CDH4: variants seen among roughly 807,000 people sequenced by gnomAD.
The protein encoded by CDH4 is cadherin-4.
A neutral mutation model predicts 86.0 loss-of-function variants in CDH4; 33 were observed. The observed-to-expected ratio is 0.38, with a 90% CI of 0.29 to 0.51. CDH4 has a LOEUF of 0.51. CDH4 is among the 20% of genes least tolerant of loss of function. CDH4 has a pLI of 0.86. For synonymous variants in CDH4, 555 were observed against 549.4 expected (o/e 1.01, Z -0.14); for missense variants, 1,114 against 1,307.4 (o/e 0.85, Z 2.28).
intron 2 of CDH4, among the ~76,000 whole-genome samples, chr20:61,737,101 T>C (rs910322243): frequency 3.3e-5 from 5 of 152,094 alleles, no homozygotes. Context: ...TCGTGTTGCT[T>C]GGATGGCTTT....
chr20:61,541,029 C>T (rs1024125685), intron 2 of CDH4, among the ~76,000 whole-genome samples: 5 of 152,192 alleles, frequency 3.3e-5, no homozygotes, highest in Non-Finnish European at 7.3e-5. Flanking sequence ...AAAAATTTGA[C>T]GATTCCCCAT....
chr20:61,707,935 C>T (rs575054416), intron 2 of CDH4, among the ~76,000 whole-genome samples: 4 of 152,138 alleles, frequency 2.6e-5, no homozygotes, highest in Admixed American at 6.5e-5. Context: ...GTTATGCCTG[C>T]GGATGACAGG....
At chr20:61,277,267 T>G (rs1476736028) in intron 2 of CDH4, among the ~76,000 whole-genome samples, 1 of 152,250 alleles carries the variant, frequency 6.6e-6, no homozygotes, top group Non-Finnish European at 1.5e-5. Context: ...TAAGATGAAT[T>G]ATTTCCACCT....
chr20:61,376,054 GTGA>G (rs2084870531), intron 2 of CDH4, among the ~76,000 whole-genome samples: 2 of 97,968 alleles, frequency 2.0e-5, no homozygotes, highest in African/African-American at 7.8e-5. Flanking sequence ...GGTCTTGGTG[GTGA>G]TGGTGTGGTT....
At chr20:61,698,486 C>A (rs932564178) in intron 2 of CDH4, among the ~76,000 whole-genome samples, 4 of 152,252 alleles carry the variant, frequency 2.6e-5, no homozygotes, top group African/African-American at 9.6e-5. Flanking sequence ...ATTCCCGGGG[C>A]TGGTGACTGC....
intron 2 of CDH4, among the ~76,000 whole-genome samples, chr20:61,290,534 G>A (rs1000755170): frequency 5.3e-5 from 8 of 151,890 alleles, no homozygotes; most frequent in African/African-American, 1.9e-4. Flanking sequence ...TAGCACCACA[G>A]ATGCCAGTCA....
intron 6 of CDH4, among the ~76,000 whole-genome samples, chr20:61,858,534 CGTCTGTGTGTGTGTCTGT>C (rs1318067411): frequency 1.4e-5 from 2 of 145,730 alleles, no homozygotes; most frequent in Non-Finnish European, 3.0e-5. Context: ...TGTGTGTCTG[CGTCTGTGTGTGTGTCTGT>C]GTCTGCATGT....
chr20:61,552,717 GA>G (rs1264741008), intron 2 of CDH4, among the ~76,000 whole-genome samples: 2 of 151,660 alleles, frequency 1.3e-5, no homozygotes, highest in Non-Finnish European at 2.9e-5. Flanking sequence ...AAAAATGAAA[GA>G]AAAAAACAAA....
intron 2 of CDH4, among the ~76,000 whole-genome samples, chr20:61,652,083 G>A (rs1454236570): frequency 6.6e-6 from 1 of 152,244 alleles, no homozygotes; most frequent in Non-Finnish European, 1.5e-5. Context: ...TCCCAGGGAG[G>A]AGGAAGAGTG....
chr20:61,264,056 C>T (rs765679755), intron 2 of CDH4, among the ~76,000 whole-genome samples: 1 of 152,166 alleles, frequency 6.6e-6, no homozygotes, highest in Non-Finnish European at 1.5e-5. Flanking sequence ...TCTGCCAAGT[C>T]CCCACTACCA....
At chr20:61,546,005 G>C (rs775045971) in intron 2 of CDH4, among the ~76,000 whole-genome samples, 309 of 25,168 alleles carry the variant, frequency 0.012, no homozygotes, top group Middle Eastern at 0.028. Flanking sequence ...TGCATGTGTG[G>C]AGGGGGTATG....
At chr20:61,802,932 C>T (rs4925290) in intron 4 of CDH4, among the ~76,000 whole-genome samples, 55,081 of 152,098 alleles carry the variant, frequency 0.36, 10,073 homozygotes, top group East Asian at 0.42. Flanking sequence ...GGGGCTTCTC[C>T]GAATTCTGTT....
chr20:61,629,414 C>A (rs1297305388), intron 2 of CDH4, among the ~76,000 whole-genome samples: 4 of 152,090 alleles, frequency 2.6e-5, no homozygotes, highest in Non-Finnish European at 4.4e-5. Context: ...TAATTAAGAG[C>A]TTGGACTCCA....
rs1183624942 is a variant in CDH4 at position 61,392,234 on chromosome 20, T to A, written c.169+137297T>A. On this transcript the variant is annotated intron_variant, in intron 2 of 15. Coordinates refer to ENST00000614565, the MANE Select transcript of CDH4 (RefSeq NM_001794.5). The surrounding 1 kb of genome is among the most constrained non-coding windows in gnomAD (Gnocchi z 5.7). ...GTGGCCTTAACACGGGACCCGGACA[T>A]GCTGCCTCTGGGCTGGGGAGGGACA... Among the ~76,000 whole-genome samples the A allele has an allele frequency of 6.6e-6, 1 of 151,492 alleles. No individual in the cohort carries two copies. Among genetic ancestry groups the A allele is most frequent in the Non-Finnish European group, 1.5e-5 (1 of 67,916 alleles).
At chr20:61,862,350 T>A (rs1983367864) in intron 6 of CDH4, among the ~76,000 whole-genome samples, 1 of 152,152 alleles carries the variant, frequency 6.6e-6, no homozygotes, top group Admixed American at 6.5e-5. Flanking sequence ...TGATGACACC[T>A]CAGACGTGTC....
chr20:61,807,119 C>T lies in CDH4; in HGVS notation c.576+33937C>T, dbSNP rs1206303968. Among the ~76,000 whole-genome samples, 1 of 152,238 alleles carries T rather than the reference C, an allele frequency of 6.6e-6. No homozygotes were observed. The highest frequency in any genetic ancestry group is 2.4e-5 in the African/African-American group (1 of 41,468). On this transcript the variant is annotated intron_variant, in intron 4 of 15. Coordinates refer to ENST00000614565, the MANE Select transcript of CDH4 (RefSeq NM_001794.5). The surrounding 1 kb of genome is among the most constrained non-coding windows in gnomAD (Gnocchi z 4.5). The stretch of plus-strand genomic sequence containing the variant: ...ATGAGCTCCCAGGGCCCCGCAGCCC[C>T]GCCAGCCCCCAGCTGCAAGGCCAGT...
intron 5 of CDH4, among the ~76,000 whole-genome samples, chr20:61,846,505 G>GAC (rs554087392): frequency 0.012 from 1,812 of 151,256 alleles, 11 homozygotes; most frequent in African/African-American, 0.022. Flanking sequence ...GAGAGACACA[G>GAC]ACACACACAC....
At chr20:61,293,963 G>A (rs990949187) in intron 2 of CDH4, among the ~76,000 whole-genome samples, 2 of 152,166 alleles carry the variant, frequency 1.3e-5, no homozygotes, top group African/African-American at 4.8e-5. Context: ...GGTGCTGGGG[G>A]GTCAGCATGG....
At chr20:61,288,884 G>A (rs1285940816) in intron 2 of CDH4, among the ~76,000 whole-genome samples, 1 of 152,196 alleles carries the variant, frequency 6.6e-6, no homozygotes, top group African/African-American at 2.4e-5. Flanking sequence ...AAATCATCAT[G>A]TTCTGAGGCG....
Sources: gnomAD v4.1 joint callset for allele counts (sites outside exome capture counted in the v4.1 genomes callset) on GRCh38, gnomAD v4.1.1 for gene constraint, Gnocchi (gnomAD v3.1) non-coding constraint, MANE v1.5 for transcripts, NCBI Gene and HGNC (gene_info 2026-07-23, HGNC 2026-07-21) for gene names.